The following ADCY10 variants were observed in gnomAD, a reference collection of about 807,000 sequenced individuals.
ADCY10 encodes adenylate cyclase type 10.
In ADCY10, 156 loss-of-function variants were observed where a neutral mutation model predicts 183.3. The ratio of observed to expected loss-of-function variants is 0.85; its 90% CI spans 0.75 to 0.97. The LOEUF (loss-of-function observed/expected upper bound fraction) is 0.97. Among genes scored for constraint, ADCY10 ranks in the 50% least tolerant of loss-of-function variants. The probability of loss-of-function intolerance (pLI) is 0.00; values close to 1 mark genes in which losing one functional copy is unlikely to be tolerated. For missense variants in ADCY10, 1,745 were observed against 1,934.3 expected (o/e 0.90, Z 1.84); for synonymous variants, 645 against 670.0 (o/e 0.96, Z 0.58).
At chr1:167,900,504 AT>A (rs1000682577) in intron 5 of ADCY10, among the ~76,000 whole-genome samples, 14 of 150,588 alleles carry the variant, frequency 9.3e-5, no homozygotes, top group Admixed American at 3.3e-4. Flanking sequence ...AATAACTTTG[AT>A]TTTTTTTTCA....
At chr1:167,875,054 A>C in intron 13 of ADCY10, 77 bp downstream of exon 13, 1 of 1,142,932 alleles carries the variant, frequency 8.7e-7, no homozygotes, top group Middle Eastern at 1.9e-4. Context: ...TAAGCTGCAC[A>C]GTTATCATTG....
At chr1:167,899,779 C>A in intron 5 of ADCY10, 151 bp from the exon 6 acceptor site, 1 of 758,302 alleles carries the variant, frequency 1.3e-6, no homozygotes. Flanking sequence ...TTATGGCATA[C>A]CTCTTTTGGG....
chr1:167,838,814 G>A lies in ADCY10; in HGVS notation c.3008-1496C>T, dbSNP rs114774964. Among the ~76,000 whole-genome samples the A allele has an allele frequency of 8.4e-3, 1,283 of 152,220 alleles. 19 individuals are homozygous for A. The highest frequency in any genetic ancestry group is 0.03 in the African/African-American group (1,240 of 41,534). ...TAACATGATTCAAACAGAAACTCTC[G>A]AATCTCTCCTCCAGAAACTTATACC... On this transcript the variant is annotated intron_variant, in intron 21 of 32. Transcript: ENST00000367851.
At position 167,846,277 on chromosome 1, in the gene ADCY10, G is replaced by A. The variant is rs369627970; in HGVS notation, c.2438-14C>T. On this transcript the variant is annotated splice_polypyrimidine_tract_variant and intron_variant, in intron 19 of 32. Coordinates refer to ENST00000367851, the MANE Select transcript of ADCY10 (RefSeq NM_018417.6). ...TCAGAGAGATTTCTGCAGGTAGAAG[G>A]CCACACAGTAGAAAACTAGTTATTT... 1.2e-6 allele frequency: 2 copies of A among 1,614,022 alleles called. No individual in the cohort carries two copies. The highest frequency in any genetic ancestry group is 2.2e-5 in the South Asian group (2 of 91,082).
chr1:167,911,770 G>A (rs11580404), intron 1 of ADCY10, among the ~76,000 whole-genome samples: 12,202 of 152,222 alleles, frequency 0.08, 574 homozygotes, highest in Middle Eastern at 0.11. Context: ...GAGAACAAGC[G>A]TTTCAAACAG....
At chr1:167,859,935 C>G (rs903609929) in intron 15 of ADCY10, 42 bp from the exon 16 acceptor site, 1 of 1,428,448 alleles carries the variant, frequency 7.0e-7, no homozygotes, top group African/African-American at 1.4e-5. Context: ...GGGAAAATAG[C>G]AAAGGGAACT....
At chr1:167,823,655 C>A (rs188986413) in intron 28 of ADCY10, among the ~76,000 whole-genome samples, 1 of 152,294 alleles carries the variant, frequency 6.6e-6, no homozygotes, top group East Asian at 1.9e-4. Context: ...GGATGAGGTT[C>A]AGTAAAGTCC....
intron 12 of ADCY10, among the ~76,000 whole-genome samples, chr1:167,877,918 A>G (rs572616869): frequency 6.6e-6 from 1 of 152,312 alleles, no homozygotes; most frequent in South Asian, 2.1e-4. Flanking sequence ...GGCAGGTGGT[A>G]CCTTGTATGT....
intron 1 of ADCY10, among the ~76,000 whole-genome samples, chr1:167,906,382 G>C (rs1669819074): frequency 6.6e-6 from 1 of 150,410 alleles, no homozygotes; most frequent in Non-Finnish European, 1.5e-5. Flanking sequence ...AAAAAGGGTA[G>C]CATTAAAAAT....
chr1:167,882,387 A>C (rs994215930), intron 9 of ADCY10, among the ~76,000 whole-genome samples: 9 of 150,540 alleles, frequency 6.0e-5, no homozygotes, highest in African/African-American at 2.0e-4. Context: ...CAGGAGGCTG[A>C]GTCAAGAGAA....
In ADCY10 at chr1:167,912,964, T is replaced by C. The variant is rs1416199331; in HGVS notation, c.-59+1012A>G. ...ACTTGAAAGTCCCTGTTGTTTCTACTATATCATGCTATATCCCATTTGTAT... is the reference window on the plus strand; with the variant it reads ...ACTTGAAAGTCCCTGTTGTTTCTACCATATCATGCTATATCCCATTTGTAT... On this transcript the variant is annotated intron_variant, in intron 1 of 32. Transcript: ENST00000367851. Among the ~76,000 whole-genome samples the C allele has an allele frequency of 7.2e-5, 11 of 152,368 alleles. No homozygotes were observed. In the East Asian group the frequency reaches 1.5e-3, roughly 21 times the overall value.
chr1:167,810,750 T>C lies in ADCY10; in HGVS notation c.4646A>G (p.Glu1549Gly). 1 of 1,614,220 alleles carries C rather than the reference T, an allele frequency of 6.2e-7. No individual in the cohort carries two copies. The highest frequency in any genetic ancestry group is 1.3e-5 in the African/African-American group (1 of 75,046). Reference sequence around the variant, plus strand: ...TTTGTTCATGTTCAGCCAGCATTTCTCCAGTATATTCCCCTGTGTTTCAGA... The same window carrying C: ...TTTGTTCATGTTCAGCCAGCATTTCCCCAGTATATTCCCCTGTGTTTCAGA... ...RLSETQGNIL[E>G]KCWLNMNKES... Residue 1549 changes from glutamate (E) to glycine (G), a missense_variant, in exon 32 of 33, where the codon GAG becomes GGG. By Grantham distance (98) the Glu-to-Gly change is moderately conservative. Transcript: ENST00000367851.
At chr1:167,859,516 A>G (rs561266706) in intron 16 of ADCY10, among the ~76,000 whole-genome samples, 49 of 152,308 alleles carry the variant, frequency 3.2e-4, no homozygotes, top group African/African-American at 1.2e-3. Context: ...GAGCCTGCAT[A>G]TGTAACCACT....
chr1:167,879,192 G>C (rs375121133), intron 11 of ADCY10, among the ~76,000 whole-genome samples: 4 of 152,130 alleles, frequency 2.6e-5, no homozygotes, highest in African/African-American at 9.7e-5. Context: ...CAAACTACTT[G>C]GGACAATTAC....
At chr1:167,882,790 C>T (rs1189631817) in intron 9 of ADCY10, among the ~76,000 whole-genome samples, 1 of 152,132 alleles carries the variant, frequency 6.6e-6, no homozygotes, top group Non-Finnish European at 1.5e-5. Flanking sequence ...TCCCAGCCTC[C>T]CCCTTACTAG....
At chr1:167,880,943 G>A (rs1667833190) in intron 9 of ADCY10, among the ~76,000 whole-genome samples, 1 of 152,160 alleles carries the variant, frequency 6.6e-6, no homozygotes, top group Non-Finnish European at 1.5e-5. Flanking sequence ...GCACAGAGCA[G>A]TGGAAAAGGC....
At chr1:167,847,582 AT>A (rs919767693) in intron 19 of ADCY10, among the ~76,000 whole-genome samples, 8 of 150,452 alleles carry the variant, frequency 5.3e-5, no homozygotes, top group African/African-American at 1.7e-4. Context: ...TGCCCGGCTA[AT>A]TTTTTTTTGT....
chr1:167,860,316 T>A (rs78336535), intron 15 of ADCY10, among the ~76,000 whole-genome samples: 3,606 of 152,192 alleles, frequency 0.024, 142 homozygotes, highest in African/African-American at 0.082. Flanking sequence ...CTAGGTCCCT[T>A]GCATGCACAG....
intron 14 of ADCY10, among the ~76,000 whole-genome samples, chr1:167,863,589 C>T (rs1026053727): frequency 2.6e-5 from 4 of 152,134 alleles, no homozygotes; most frequent in Non-Finnish European, 4.4e-5. Flanking sequence ...GGTTCCCTGA[C>T]CGGGAAGCAA....
Sources: gnomAD v4.1 joint callset for allele counts (sites outside exome capture counted in the v4.1 genomes callset) on GRCh38, gnomAD v4.1.1 for gene constraint, MANE v1.5 for transcripts, NCBI Gene and HGNC (gene_info 2026-07-23, HGNC 2026-07-21) for gene names.